Variants in PCDH15 observed in about 807,000 individuals in gnomAD.
The protein encoded by PCDH15 is protocadherin-15.
PCDH15 carries 129 observed loss-of-function variants against 178.5 expected under a neutral mutation model. The ratio of observed to expected loss-of-function variants is 0.72; its 90% CI spans 0.63 to 0.84. The LOEUF (loss-of-function observed/expected upper bound fraction) is 0.84, where lower values mean the gene tolerates loss of function less well. Among genes scored for constraint, PCDH15 ranks in the 40% least tolerant of loss-of-function variants. PCDH15 has a pLI of 0.00. For missense variants in PCDH15, 2,230 were observed against 2,099.9 expected (o/e 1.06, Z -1.21); for synonymous variants, 800 against 732.0 (o/e 1.09, Z -1.50).
At chr10:54,647,902 A>G (rs1214446077) in intron 2 of PCDH15, among the ~76,000 whole-genome samples, 4 of 151,946 alleles carry the variant, frequency 2.6e-5, no homozygotes, top group Non-Finnish European at 4.4e-5. Context: ...CTTCCCTATT[A>G]CCACTGCCCT....
At chr10:55,132,588 T>C (rs1012026217) in intron 2 of PCDH15, among the ~76,000 whole-genome samples, 1 of 152,162 alleles carries the variant, frequency 6.6e-6, no homozygotes, top group Non-Finnish European at 1.5e-5. Context: ...ATACCCCAAT[T>C]TGAAAGATAA....
At chr10:54,231,439 G>T (rs539484571) in intron 9 of PCDH15, among the ~76,000 whole-genome samples, 1 of 152,382 alleles carries the variant, frequency 6.6e-6, no homozygotes, top group African/African-American at 2.4e-5. Context: ...CTGCTGCAGG[G>T]GTGGAGCCCT....
At chr10:54,788,215 G>A (rs1420519855) in intron 1 of PCDH15, among the ~76,000 whole-genome samples, 1 of 151,836 alleles carries the variant, frequency 6.6e-6, no homozygotes, top group East Asian at 1.9e-4. Flanking sequence ...GCTGATATAT[G>A]GGTTTCAAGC....
chr10:54,990,220 T>C (rs1839466832), intron 2 of PCDH15, among the ~76,000 whole-genome samples: 1 of 152,236 alleles, frequency 6.6e-6, no homozygotes, highest in Non-Finnish European at 1.5e-5. Flanking sequence ...CTGAAGGCCT[T>C]AATAAACTCT....
At chr10:54,938,073 G>GT (rs927916897) in intron 2 of PCDH15, among the ~76,000 whole-genome samples, 5 of 152,080 alleles carry the variant, frequency 3.3e-5, no homozygotes, top group African/African-American at 1.2e-4. Flanking sequence ...TTTGTCAAAT[G>GT]TTTTTTGCTT....
intron 2 of PCDH15, among the ~76,000 whole-genome samples, chr10:55,004,660 AT>A (rs973270936): frequency 6.6e-6 from 1 of 152,060 alleles, no homozygotes; most frequent in Non-Finnish European, 1.5e-5. Flanking sequence ...AAACCACTAA[AT>A]TTAGTTCAGT....
chr10:54,329,681 G>T lies in PCDH15; in HGVS notation c.620C>A (p.Pro207His). 6.2e-7 allele frequency: 1 copy of T among 1,605,104 alleles called. No individual in the cohort carries two copies. The highest frequency in any genetic ancestry group is 1.1e-5 in the South Asian group (1 of 90,898). ...CACTATATTTCCAGTCAACATTAGG[G>T]GAATTTCAAAGGTGTCATTGGATGT... ...DPTSNDTFEI[P>H]LMLTGNIVLR... Residue 207 changes from proline (P) to histidine (H), a missense_variant, in exon 7 of 38, where the codon CCC (proline) becomes CAC (histidine). Transcript: ENST00000644397.
At chr10:54,364,499 A>G (rs1946518893) in intron 5 of PCDH15, among the ~76,000 whole-genome samples, 1 of 152,136 alleles carries the variant, frequency 6.6e-6, no homozygotes, top group Non-Finnish European at 1.5e-5. Context: ...ATTATTTTAT[A>G]TGTTCCATCC....
At chr10:54,239,648 A>G (rs1396773143) in intron 8 of PCDH15, among the ~76,000 whole-genome samples, 2 of 152,040 alleles carry the variant, frequency 1.3e-5, no homozygotes, top group African/African-American at 2.4e-5. Context: ...TAAATAAATT[A>G]TAGTATTGAG....
chr10:55,270,406 C>T (rs997478207), intron 1 of PCDH15, among the ~76,000 whole-genome samples: 1 of 151,728 alleles, frequency 6.6e-6, no homozygotes, highest in Admixed American at 6.6e-5. Flanking sequence ...GGTCTAATAT[C>T]CAGAATCTGT....
At chr10:54,529,808 G>C (rs1357085711) in intron 2 of PCDH15, among the ~76,000 whole-genome samples, 1 of 151,864 alleles carries the variant, frequency 6.6e-6, no homozygotes, top group Non-Finnish European at 1.5e-5. Flanking sequence ...TTTATTTACT[G>C]TTTTATAAAA....
chr10:54,680,498 T>A (rs1323203092), intron 1 of PCDH15, among the ~76,000 whole-genome samples: 1 of 151,888 alleles, frequency 6.6e-6, no homozygotes, highest in Non-Finnish European at 1.5e-5. Flanking sequence ...ACAAATATAG[T>A]TTAGGTTGTG....
chr10:53,820,152 CA>C lies in PCDH15; in HGVS notation c.4433+12del. On this transcript the variant is annotated intron_variant, in intron 33 of 37. Transcript: ENST00000644397. ...GACACACTCACATTAAAGGCTTACA[CA>C]ATTGTGAATACCTTGTCAGAGTCCG... 1 of 397,750 alleles carries C rather than the reference CA, an allele frequency of 2.5e-6. No individual in the cohort carries two copies. The highest frequency in any genetic ancestry group is 4.4e-6 in the Non-Finnish European group (1 of 225,392). 24.6% of individuals were successfully genotyped at this position (397,750 alleles called of 1,614,324 possible).
chr10:53,896,268 A>G (rs1318795395), intron 26 of PCDH15, among the ~76,000 whole-genome samples: 1 of 152,188 alleles, frequency 6.6e-6, no homozygotes, highest in Admixed American at 6.5e-5. Context: ...CAGCAGAAAC[A>G]AAAAGTTAAT....
At chr10:55,249,614 G>A (rs1177276565) in intron 1 of PCDH15, among the ~76,000 whole-genome samples, 1 of 152,078 alleles carries the variant, frequency 6.6e-6, no homozygotes, top group African/African-American at 2.4e-5. Context: ...AATAATTTTA[G>A]TATAAATTGC....
At chr10:54,584,571 A>G (rs1465430888) in intron 2 of PCDH15, among the ~76,000 whole-genome samples, 1 of 152,140 alleles carries the variant, frequency 6.6e-6, no homozygotes, top group Non-Finnish European at 1.5e-5. Flanking sequence ...ATATTTTCAT[A>G]TCTTCTTTCT....
At chr10:54,344,904 C>CAAAAAAA (rs57295345) in intron 6 of PCDH15, among the ~76,000 whole-genome samples, 25 of 78,870 alleles carry the variant, frequency 3.2e-4, no homozygotes, top group East Asian at 2.8e-3. Flanking sequence ...AGAAACAAAG[C>CAAAAAAA]AAAAAAAAAA....
chr10:54,659,367 C>A (rs1358702663), intron 2 of PCDH15, among the ~76,000 whole-genome samples: 1 of 152,060 alleles, frequency 6.6e-6, no homozygotes, highest in African/African-American at 2.4e-5. Flanking sequence ...CTAAAATTAA[C>A]CAAATACTTG....
Position 54,833,500 on chromosome 10 carries a change from T to A in PCDH15, c.-29+63950A>T, listed in dbSNP as rs560042418. 2.0e-5 allele frequency among the ~76,000 whole-genome samples: 3 copies of A among 152,324 alleles called. No homozygotes were observed. The East Asian group carries it at 5.8e-4, about 29-fold the overall frequency. On this transcript the variant is annotated intron_variant, in intron 3 of 5. Transcript: ENST00000458638. ...AGAGGGAGAAATTCTGCCTCAAAACTTCAACAATGAAACCTTTCCTGAATT... is the reference window on the plus strand; with the variant it reads ...AGAGGGAGAAATTCTGCCTCAAAACATCAACAATGAAACCTTTCCTGAATT...
Sources: gnomAD v4.1 joint callset for allele counts (sites outside exome capture counted in the v4.1 genomes callset) on GRCh38, gnomAD v4.1.1 for gene constraint, MANE v1.5 for transcripts, NCBI Gene and HGNC (gene_info 2026-07-23, HGNC 2026-07-21) for gene names.